Variants in FIP1L1 observed in about 807,000 individuals in gnomAD.
FIP1L1 encodes factor interacting with PAPOLA and CPSF1, also known as pre-mRNA 3'-end-processing factor FIP1.
FIP1L1 carries 21 observed loss-of-function variants against 84.6 expected under a neutral mutation model. The observed-to-expected ratio is 0.25, with a 90% CI of 0.18 to 0.36. The LOEUF (loss-of-function observed/expected upper bound fraction) is 0.36. Ranked by LOEUF, FIP1L1 falls within the 10% of genes least tolerant of loss-of-function variation. The pLI, the probability that FIP1L1 is intolerant of heterozygous loss-of-function variation, is 1.00. For missense variants in FIP1L1, 526 were observed against 751.1 expected (o/e 0.70, Z 3.50); for synonymous variants, 263 against 242.3 (o/e 1.09, Z -0.80).
At chr4:53,420,876 A>G (rs762266207) in intron 11 of FIP1L1, among the ~76,000 whole-genome samples, 1 of 152,194 alleles carries the variant, frequency 6.6e-6, no homozygotes, top group Non-Finnish European at 1.5e-5. Context: ...CTTGAAATAA[A>G]TATTAATTTT....
chr4:53,417,882 A>G (rs1429016689), intron 11 of FIP1L1, among the ~76,000 whole-genome samples: 3 of 151,908 alleles, frequency 2.0e-5, no homozygotes, highest in African/African-American at 7.3e-5. Flanking sequence ...TAGTGTAAGA[A>G]AAACTAGATT....
At chr4:53,416,790 C>G (rs1381711201) in intron 11 of FIP1L1, among the ~76,000 whole-genome samples, 1 of 151,958 alleles carries the variant, frequency 6.6e-6, no homozygotes, top group African/African-American at 2.4e-5. Flanking sequence ...ATGGTGAAAC[C>G]CTGTCTCTAC....
At chr4:53,431,607 ATTTT>A (rs869302770) in intron 13 of FIP1L1, among the ~76,000 whole-genome samples, 1 of 23,012 alleles carries the variant, frequency 4.3e-5, no homozygotes, top group Non-Finnish European at 1.1e-4. Context: ...ATGCTACTAG[ATTTT>A]TGTTTTGTTT....
chr4:53,399,204 T>C (rs1488660281), intron 9 of FIP1L1, among the ~76,000 whole-genome samples: 1 of 152,200 alleles, frequency 6.6e-6, no homozygotes, highest in Non-Finnish European at 1.5e-5. Flanking sequence ...GTCAGGATGA[T>C]GGTACTTTTA....
intron 10 of FIP1L1, among the ~76,000 whole-genome samples, chr4:53,402,768 G>A (rs1750967355): frequency 6.6e-6 from 1 of 152,142 alleles, no homozygotes; most frequent in Admixed American, 6.5e-5. Context: ...GAAATTGGTG[G>A]TGTAAGACAG....
In FIP1L1 at chr4:53,377,807, A is replaced by G. The variant is rs1297733902; in HGVS notation, c.-32A>G. On this transcript the variant is annotated 5_prime_UTR_variant, in exon 1 of 18. Transcript: ENST00000337488. ...GGGAAGGGGTTGGAGGGGGCTGTTG[A>G]TCGCCGCGTTTAAGTTGCGCTCGGG... is the stretch of plus-strand genomic sequence containing the variant. 6.6e-7 allele frequency: 1 copy of G among 1,525,400 alleles called. No individual in the cohort carries two copies. The highest frequency in any genetic ancestry group is 8.8e-7 in the Non-Finnish European group (1 of 1,132,336). The allele number at this position is 1,525,400 out of a possible 1,614,324, so 94.5% of individuals were successfully genotyped here. A position where few individuals can be genotyped will look rare whatever the true frequency, so the allele number is the denominator to read the frequency against.
intron 9 of FIP1L1, among the ~76,000 whole-genome samples, chr4:53,391,860 T>C (rs1744422173): frequency 1.3e-5 from 2 of 152,104 alleles, no homozygotes; most frequent in African/African-American, 4.8e-5. Flanking sequence ...TTGTTCTCTT[T>C]AAAAAAATGG....
At chr4:53,437,298 A>G (rs1023559373) in intron 13 of FIP1L1, among the ~76,000 whole-genome samples, 3 of 118,792 alleles carry the variant, frequency 2.5e-5, no homozygotes, top group Non-Finnish European at 4.9e-5. Flanking sequence ...CACTCACCCT[A>G]CACAACAGTG....
At chr4:53,417,859 T>C (rs944321401) in intron 11 of FIP1L1, among the ~76,000 whole-genome samples, 2 of 151,734 alleles carry the variant, frequency 1.3e-5, no homozygotes, top group Non-Finnish European at 1.5e-5. Flanking sequence ...ACTGTCTCAC[T>C]CTCACTCTCT....
chr4:53,442,491 C>A, intron 13 of FIP1L1, 162 bp from the exon 14 acceptor site: 2 of 555,960 alleles, frequency 3.6e-6, no homozygotes, highest in Non-Finnish European at 3.2e-6. Flanking sequence ...CGCTAAAAAT[C>A]TGTTCATAAG....
intron 13 of FIP1L1, among the ~76,000 whole-genome samples, chr4:53,434,843 G>C (rs902813207): frequency 6.6e-6 from 1 of 152,140 alleles, no homozygotes; most frequent in Non-Finnish European, 1.5e-5. Flanking sequence ...GGGAATTCCT[G>C]GACAGAACGT....
chr4:53,442,829 A>G, intron 14 of FIP1L1, 122 bp downstream of exon 14: 1 of 587,536 alleles, frequency 1.7e-6, no homozygotes. Flanking sequence ...TAATTTATAA[A>G]TCTAGATCTA....
intron 16 of FIP1L1, among the ~76,000 whole-genome samples, chr4:53,453,593 C>A (rs1717290089): frequency 6.6e-6 from 1 of 152,170 alleles, no homozygotes; most frequent in African/African-American, 2.4e-5. Context: ...CTAAGACTTT[C>A]AGAGCTAGAG....
intron 15 of FIP1L1, among the ~76,000 whole-genome samples, chr4:53,445,785 A>G (rs933915260): frequency 1.4e-4 from 21 of 152,244 alleles, no homozygotes; most frequent in African/African-American, 4.3e-4. Context: ...GTAAACTTAC[A>G]TCGTGCTTTT....
intron 13 of FIP1L1, 84 bp from the exon 14 acceptor site, chr4:53,442,569 T>G: frequency 2.3e-6 from 2 of 888,570 alleles, no homozygotes; most frequent in South Asian, 1.4e-5. Flanking sequence ...CCAGAGAAAT[T>G]TAGTGATATG....
Position 53,460,770 on chromosome 4 carries a change from A to G in FIP1L1, c.*1321A>G. On this transcript the variant is annotated 3_prime_UTR_variant, in exon 18 of 18. Transcript: ENST00000337488. ...ATTTTCTGAGGTGTAACTGGCTTTC[A>G]TTAGATGATCATACTTTTCCTGACA... 1 of 899,354 alleles carries G rather than the reference A, an allele frequency of 1.1e-6. No individual in the cohort carries two copies. The highest frequency in any genetic ancestry group is 3.1e-5 in the Admixed American group (1 of 32,348). 55.7% of individuals were successfully genotyped at this position (899,354 alleles called of 1,614,324 possible).
Position 53,399,842 on chromosome 4 carries a change from T to A in FIP1L1, c.815+3T>A. 1.3e-6 allele frequency: 2 copies of A among 1,562,258 alleles called. No individual in the cohort carries two copies. Among genetic ancestry groups the A allele is most frequent in the Non-Finnish European group, 1.8e-6 (2 of 1,133,590 alleles). ...AAGACTGGGCTTCCACCGAGCAGGT[T>A]AGTTACATAGTTATAACTCAATTAC... On this transcript the variant is annotated splice_donor_region_variant and intron_variant, in intron 10 of 17. Coordinates refer to ENST00000337488, the MANE Select transcript of FIP1L1 (RefSeq NM_030917.4).
At chr4:53,385,138 A>C (rs1051480028) in intron 5 of FIP1L1, among the ~76,000 whole-genome samples, 1 of 152,164 alleles carries the variant, frequency 6.6e-6, no homozygotes, top group Admixed American at 6.5e-5. Flanking sequence ...AAAGTAAATA[A>C]TTACTTAATG....
intron 10 of FIP1L1, among the ~76,000 whole-genome samples, chr4:53,410,125 C>T (rs1014438793): frequency 5.9e-5 from 9 of 152,196 alleles, no homozygotes; most frequent in African/African-American, 2.2e-4. Flanking sequence ...TCCTATTTGG[C>T]CACCTTGGCT....
Sources: gnomAD v4.1 joint callset for allele counts (sites outside exome capture counted in the v4.1 genomes callset) on GRCh38, gnomAD v4.1.1 for gene constraint, MANE v1.5 for transcripts, NCBI Gene and HGNC (gene_info 2026-07-23, HGNC 2026-07-21) for gene names.